RBFOX1: variants seen among roughly 807,000 people sequenced by gnomAD.
RBFOX1 encodes the protein RNA binding protein fox-1 homolog 1.
Under a neutral mutation model 57.7 loss-of-function variants are expected in RBFOX1, and 8 were observed. The ratio of observed to expected loss-of-function variants is 0.14; its 90% CI spans 0.08 to 0.25. The LOEUF (loss-of-function observed/expected upper bound fraction) is 0.25. Among genes scored for constraint, RBFOX1 ranks in the 10% least tolerant of loss-of-function variants. RBFOX1 has a pLI of 1.00. For missense variants in RBFOX1, 611 were observed against 548.5 expected, an observed-to-expected ratio of 1.11 and a Z score of -1.14; for synonymous variants, 326 against 222.4, an observed-to-expected ratio of 1.47 and a Z score of -4.15.
chr16:6,791,232 G>A (rs1230575877), intron 3 of RBFOX1, among the ~76,000 whole-genome samples: 1 of 152,084 alleles, frequency 6.6e-6, no homozygotes, highest in South Asian at 2.1e-4. Flanking sequence ...TTATAGAGTT[G>A]GCAGAAGATG....
chr16:7,198,010 T>TTTTTTTA (rs2087224637), intron 4 of RBFOX1, among the ~76,000 whole-genome samples: 1 of 129,588 alleles, frequency 7.7e-6, no homozygotes, highest in Non-Finnish European at 1.6e-5. Context: ...TTTTTTTTTT[T>TTTTTTTA]TTTTTTTTTT....
At chr16:6,792,564 C>A (rs2083175792) in intron 3 of RBFOX1, among the ~76,000 whole-genome samples, 1 of 152,208 alleles carries the variant, frequency 6.6e-6, no homozygotes, top group East Asian at 1.9e-4. Flanking sequence ...CATGTACACT[C>A]AACGCCATGT....
chr16:5,241,459 C>G (rs1346876270), intron 1 of RBFOX1, among the ~76,000 whole-genome samples: 3 of 152,226 alleles, frequency 2.0e-5, no homozygotes, highest in Non-Finnish European at 1.5e-5. Context: ...CTGCCAAAGA[C>G]CAGGATACTA....
chr16:6,247,154 G>C (rs555638316), intron 1 of RBFOX1, among the ~76,000 whole-genome samples: 10 of 152,196 alleles, frequency 6.6e-5, no homozygotes, highest in South Asian at 4.1e-4. Flanking sequence ...AAATGATATA[G>C]CTACTATAAC....
intron 4 of RBFOX1, among the ~76,000 whole-genome samples, chr16:7,214,486 C>T (rs990028155): frequency 3.9e-5 from 6 of 151,914 alleles, no homozygotes; most frequent in African/African-American, 7.3e-5. Context: ...CCACTGCCTC[C>T]ATCTCCATCA....
chr16:5,729,560 AAGC>A (rs2052285205), intron 3 of RBFOX1, among the ~76,000 whole-genome samples: 1 of 152,064 alleles, frequency 6.6e-6, no homozygotes, highest in Non-Finnish European at 1.5e-5. Flanking sequence ...ATTTTACAAG[AAGC>A]TATGTTAATT....
chr16:7,345,876 G>A (rs1038494947), intron 4 of RBFOX1, among the ~76,000 whole-genome samples: 1 of 151,766 alleles, frequency 6.6e-6, no homozygotes, highest in South Asian at 2.1e-4. Context: ...TGTGCACAAC[G>A]TGCAGGTTTG....
At chr16:7,276,572 C>G (rs1456506964) in intron 4 of RBFOX1, among the ~76,000 whole-genome samples, 1 of 151,842 alleles carries the variant, frequency 6.6e-6, no homozygotes, top group Non-Finnish European at 1.5e-5. Flanking sequence ...TTAAATTTTT[C>G]TGCCTCCTAG....
intron 3 of RBFOX1, among the ~76,000 whole-genome samples, chr16:6,801,026 T>G (rs11859397): frequency 0.72 from 110,067 of 151,872 alleles, 41,271 homozygotes; most frequent in African/African-American, 0.93. Flanking sequence ...ATCATTTAAT[T>G]CAATGATACT....
intron 3 of RBFOX1, among the ~76,000 whole-genome samples, chr16:5,709,055 C>T (rs1429563927): frequency 2.0e-5 from 3 of 152,174 alleles, no homozygotes; most frequent in Non-Finnish European, 4.4e-5. Context: ...ATATTCAACC[C>T]CATAATAGAT....
At chr16:6,196,168 A>C (rs566186413) in intron 1 of RBFOX1, among the ~76,000 whole-genome samples, 7 of 152,290 alleles carry the variant, frequency 4.6e-5, no homozygotes, top group African/African-American at 1.7e-4. Context: ...CTCCCTTTTC[A>C]GATGCAGAAA....
chr16:5,777,335 C>T (rs1020384195), intron 3 of RBFOX1, among the ~76,000 whole-genome samples: 2 of 152,164 alleles, frequency 1.3e-5, no homozygotes, highest in Non-Finnish European at 2.9e-5. Flanking sequence ...TCTGAAGGGA[C>T]CCTAGTGATT....
intron 1 of RBFOX1, among the ~76,000 whole-genome samples, chr16:6,166,052 A>G (rs1202747841): frequency 6.6e-6 from 1 of 152,178 alleles, no homozygotes; most frequent in Non-Finnish European, 1.5e-5. Flanking sequence ...ATTCCTGCAA[A>G]GGGCCGCAAT....
intron 14 of RBFOX1, among the ~76,000 whole-genome samples, chr16:7,701,164 A>G (rs1184282823): frequency 6.8e-6 from 1 of 147,112 alleles, no homozygotes; most frequent in Non-Finnish European, 1.5e-5. Context: ...TGAAACTCAA[A>G]CAGAGCCAAG....
At chr16:5,331,649 G>C (rs1029746336) in intron 1 of RBFOX1, among the ~76,000 whole-genome samples, 2 of 152,262 alleles carry the variant, frequency 1.3e-5, no homozygotes, top group South Asian at 4.1e-4. Context: ...TGGAGAAATA[G>C]GGTTCATCTC....
chr16:5,648,843 C>G (rs1253800690), intron 3 of RBFOX1, among the ~76,000 whole-genome samples: 1 of 152,090 alleles, frequency 6.6e-6, no homozygotes, highest in Non-Finnish European at 1.5e-5. Flanking sequence ...GCAGGCGGAT[C>G]ACTTGAGGTC....
intron 2 of RBFOX1, among the ~76,000 whole-genome samples, chr16:6,468,934 C>G (rs141238569): frequency 6.6e-6 from 1 of 152,186 alleles, no homozygotes; most frequent in African/African-American, 2.4e-5. Flanking sequence ...TTCATCCTCT[C>G]CCTCCTTCCA....
chr16:7,104,252 C>T (rs56254722), intron 4 of RBFOX1, among the ~76,000 whole-genome samples: 1 of 152,078 alleles, frequency 6.6e-6, no homozygotes, highest in Non-Finnish European at 1.5e-5. Context: ...AATTGTATCC[C>T]TGAGACCCTC....
chr16:7,341,775 C>CTT (rs1198591231), intron 4 of RBFOX1, among the ~76,000 whole-genome samples: 1,115 of 110,304 alleles, frequency 0.01, 14 homozygotes, highest in African/African-American at 0.032. Flanking sequence ...TCCCTCCCTC[C>CTT]CTCCTTCCTT....
Sources: gnomAD v4.1 joint callset for allele counts (sites outside exome capture counted in the v4.1 genomes callset) on GRCh38, gnomAD v4.1.1 for gene constraint, MANE v1.5 for transcripts, NCBI Gene and HGNC (gene_info 2026-07-23, HGNC 2026-07-21) for gene names.